Variants in ADCY10 observed in about 807,000 individuals in gnomAD.
ADCY10 encodes the protein adenylate cyclase type 10.
In ADCY10, 156 loss-of-function variants were observed where a neutral mutation model predicts 183.3. The ratio of observed to expected loss-of-function variants is 0.85; its 90% CI spans 0.75 to 0.97. The LOEUF (loss-of-function observed/expected upper bound fraction) is 0.97. Among genes scored for constraint, ADCY10 ranks in the 50% least tolerant of loss-of-function variants. The pLI, the probability that ADCY10 is intolerant of heterozygous loss-of-function variation, is 0.00. For synonymous variants in ADCY10, 645 were observed against 670.0 expected, an observed-to-expected ratio of 0.96 and a Z score of 0.58; for missense variants, 1,745 against 1,934.3, an observed-to-expected ratio of 0.90 and a Z score of 1.84.
chr1:167,828,285 A>G (rs572581788), intron 26 of ADCY10, among the ~76,000 whole-genome samples: 2 of 152,330 alleles, frequency 1.3e-5, no homozygotes, highest in East Asian at 3.9e-4. Flanking sequence ...TCTCCTTGGA[A>G]CCACTTGGTT....
chr1:167,854,252 A>C (rs1351728880), intron 18 of ADCY10, 101 bp downstream of exon 18: 1 of 1,434,866 alleles, frequency 7.0e-7, no homozygotes, highest in Non-Finnish European at 9.8e-7. Flanking sequence ...CTGACTCTAC[A>C]GGAAGCAGCC....
chr1:167,843,735 G>GCAGC (rs1475918471), intron 21 of ADCY10, among the ~76,000 whole-genome samples: 2 of 152,094 alleles, frequency 1.3e-5, no homozygotes, highest in African/African-American at 4.8e-5. Context: ...TGATCCCAAT[G>GCAGC]CAGCCACAGG....
Position 167,845,654 on chromosome 1 carries a change from G to A in ADCY10, c.2916C>T (p.Phe972=), listed in dbSNP as rs749134594. 4 of 1,614,282 alleles carry A rather than the reference G, an allele frequency of 2.5e-6. No individual in the cohort carries two copies. Among genetic ancestry groups the A allele is most frequent in the Non-Finnish European group, 3.4e-6 (4 of 1,180,048 alleles). The part of the protein sequence containing the change: ...HRCDHCRGRD[F]IPYHHFTVNI... ...TCACTGTGAAGTGATGATAGGGAAT[G>A]AAGTCCCTGCCTCGGCAGTGGTCAC... The change falls in exon 21 of 33, where the codon TTC becomes TTT. Residue 972 remains phenylalanine (F), a synonymous_variant. Coordinates refer to ENST00000367851, the MANE Select transcript of ADCY10 (RefSeq NM_018417.6).
intron 14 of ADCY10, among the ~76,000 whole-genome samples, chr1:167,865,850 T>C (rs1666639881): frequency 6.6e-6 from 1 of 152,220 alleles, no homozygotes; most frequent in Non-Finnish European, 1.5e-5. Flanking sequence ...AAAGTGGTCC[T>C]CCAGTCCACC....
intron 3 of ADCY10, among the ~76,000 whole-genome samples, 153 bp downstream of exon 3, chr1:167,903,734 A>G (rs1669605165): frequency 6.6e-6 from 1 of 152,218 alleles, no homozygotes. Flanking sequence ...CAGTTATACT[A>G]TATCATATTT....
At chr1:167,891,378 C>T (rs933464267) in intron 8 of ADCY10, among the ~76,000 whole-genome samples, 9 of 151,528 alleles carry the variant, frequency 5.9e-5, no homozygotes, top group South Asian at 2.1e-4. Flanking sequence ...AGTGTTGGGT[C>T]GGGCGCAGTG....
In ADCY10 at chr1:167,823,037, A is replaced by G; in HGVS notation, c.4139T>C (p.Phe1380Ser). 1 of 1,614,192 alleles carries G rather than the reference A, an allele frequency of 6.2e-7. No homozygotes were observed. The highest frequency in any genetic ancestry group is 8.5e-7 in the Non-Finnish European group (1 of 1,180,034). The change falls in exon 29 of 33, where the codon TTT becomes TCT. Residue 1380 changes from phenylalanine to serine, a missense_variant. By Grantham distance (155) the Phe-to-Ser change is radical (BLOSUM62 -2). Coordinates refer to ENST00000367851, the MANE Select transcript of ADCY10 (RefSeq NM_018417.6). ...EHIFSKAFFY[F>S]VCLDILLYSG... ...ATAAAGCAGGATGTCCAAGCAGACA[A>G]AATAGAAAAATGCCTTGCTGAAGAT...
intron 26 of ADCY10, among the ~76,000 whole-genome samples, chr1:167,828,955 C>A (rs374508416): frequency 3.3e-5 from 5 of 151,976 alleles, no homozygotes; most frequent in African/African-American, 1.2e-4. Context: ...GAGCAAGACT[C>A]CATCTCAAAA....
chr1:167,893,002 A>G (rs530324779), intron 8 of ADCY10, among the ~76,000 whole-genome samples: 13 of 152,348 alleles, frequency 8.5e-5, no homozygotes, highest in African/African-American at 2.9e-4. Context: ...GAATAAATAC[A>G]TGAACTAGCA....
Position 167,880,528 on chromosome 1 carries a change from C to A in ADCY10, c.1102G>T (p.Asp368Tyr), listed in dbSNP as rs914028631. 1.2e-6 allele frequency: 2 copies of A among 1,614,024 alleles called. No homozygotes were observed. The highest frequency in any genetic ancestry group is 2.7e-5 in the African/African-American group (2 of 74,914). The change falls in exon 10 of 33, where the codon GAT becomes TAT. Residue 368 changes from aspartate to tyrosine, a missense_variant. Asp to Tyr is a radical substitution (Grantham distance 160). Coordinates refer to ENST00000367851, the MANE Select transcript of ADCY10 (RefSeq NM_018417.6). ...ACTTGAGAGCAGAAGTCAAATATAT[C>A]CATAGCACATTCCAGAGCATGAGTG... is the stretch of plus-strand genomic sequence containing the variant. ...ELTHALECAM[D>Y]IFDFCSQVHK...
At chr1:167,899,341 C>G in intron 6 of ADCY10, 82 bp downstream of exon 6, 1 of 1,387,180 alleles carries the variant, frequency 7.2e-7, no homozygotes, top group Admixed American at 1.7e-5. Context: ...TTTATGAAAC[C>G]AGCGTGCCCA....
rs549735140 is a variant in ADCY10, at chr1:167,815,103, C to T, written c.4482+2969G>A. 1.3e-3 allele frequency among the ~76,000 whole-genome samples: 192 copies of T among 152,026 alleles called. 2 individuals carry two copies. The highest frequency in any genetic ancestry group is 4.2e-3 in the African/African-American group (174 of 41,466). On this transcript the variant is annotated intron_variant, in intron 31 of 32. Transcript: ENST00000367851. ...TCACGCCATTGCACTCCAGCCTGGG[C>T]GACAGAGTGAGACTCTGTCTCCAAC...
chr1:167,862,340 A>G (rs775956113), intron 14 of ADCY10, among the ~76,000 whole-genome samples: 4 of 152,216 alleles, frequency 2.6e-5, no homozygotes, highest in Admixed American at 6.5e-5. Context: ...TGATGCCCTT[A>G]TAAAAAGGAG....
chr1:167,889,797 T>C (rs753684048), intron 8 of ADCY10, among the ~76,000 whole-genome samples: 7 of 152,224 alleles, frequency 4.6e-5, no homozygotes, highest in Non-Finnish European at 8.8e-5. Flanking sequence ...ATACATTTCT[T>C]CTAGATTTTC....
At chr1:167,878,748 C>T (rs1667671504) in intron 11 of ADCY10, 113 bp from the exon 12 acceptor site, 2 of 1,054,632 alleles carry the variant, frequency 1.9e-6, no homozygotes, top group Non-Finnish European at 2.8e-6. Context: ...CTTTGCTGTT[C>T]ATGAGTGACA....
chr1:167,864,895 G>GGA (rs533513656), intron 14 of ADCY10, among the ~76,000 whole-genome samples: 17 of 129,276 alleles, frequency 1.3e-4, no homozygotes, highest in African/African-American at 4.8e-4. Flanking sequence ...TTGCTAACAG[G>GGA]AAAAAAAAAA....
intron 21 of ADCY10, among the ~76,000 whole-genome samples, chr1:167,837,875 G>T (rs1176626537): frequency 6.6e-6 from 1 of 152,182 alleles, no homozygotes; most frequent in Admixed American, 6.5e-5. Flanking sequence ...TAACTGAAGG[G>T]CAGAGAATCT....
At chr1:167,913,268 G>A (rs1670265827) in intron 1 of ADCY10, among the ~76,000 whole-genome samples, 1 of 152,182 alleles carries the variant, frequency 6.6e-6, no homozygotes, top group Non-Finnish European at 1.5e-5. Context: ...AGAAAACTCA[G>A]TAGTACCCAA....
chr1:167,819,071 T>G (rs1457881858), intron 30 of ADCY10, among the ~76,000 whole-genome samples: 1 of 152,074 alleles, frequency 6.6e-6, no homozygotes, highest in East Asian at 1.9e-4. Flanking sequence ...CATCTCTGAG[T>G]TAACAAGCTC....
Sources: gnomAD v4.1 joint callset for allele counts (sites outside exome capture counted in the v4.1 genomes callset) on GRCh38, gnomAD v4.1.1 for gene constraint, MANE v1.5 for transcripts, NCBI Gene and HGNC (gene_info 2026-07-23, HGNC 2026-07-21) for gene names.